PCDHA1: variants seen among roughly 807,000 people sequenced by gnomAD.
PCDHA1 encodes the protein protocadherin alpha 1.
A neutral mutation model predicts 61.3 loss-of-function variants in PCDHA1; 42 were observed. The observed-to-expected ratio is 0.69, with a 90% CI of 0.54 to 0.89. PCDHA1 has a LOEUF of 0.89. Among genes scored for constraint, PCDHA1 ranks in the 40% least tolerant of loss-of-function variants. PCDHA1 has a pLI of 0.00. For synonymous variants in PCDHA1, 610 were observed against 553.8 expected, an observed-to-expected ratio of 1.10 and a Z score of -1.43; for missense variants, 1,256 against 1,235.3, an observed-to-expected ratio of 1.02 and a Z score of -0.25.
chr5:140,985,273 T>C (rs1554246915), intron 3 of PCDHA1, among the ~76,000 whole-genome samples: 1 of 152,178 alleles, frequency 6.6e-6, no homozygotes, highest in African/African-American at 2.4e-5. Context: ...GGACTACTTT[T>C]CTGCAATCTA....
In PCDHA1 at chr5:140,786,349, T is replaced by C. The variant is rs1581593346; in HGVS notation, c.59T>C (p.Leu20Pro). 1 of 1,613,860 alleles carries C rather than the reference T, an allele frequency of 6.2e-7. No individual in the cohort carries two copies. Among genetic ancestry groups the C allele is most frequent in the South Asian group, 1.1e-5 (1 of 91,060 alleles). The change falls in exon 1 of 4, where the codon CTC becomes CCC. Residue 20 changes from leucine (L) to proline (P), a missense_variant. Coordinates refer to ENST00000504120, the MANE Select transcript of PCDHA1 (RefSeq NM_018900.4). Reference sequence around the variant, plus strand: ...CGGGATCTGCTTCTTTGGCTTCTGCTCCTCGCAGCCTGGGAGGTGGGGAGC... The same window carrying C: ...CGGGATCTGCTTCTTTGGCTTCTGCCCCTCGCAGCCTGGGAGGTGGGGAGC... ...GARDLLLWLL[L>P]LAAWEVGSGQ... is the part of the protein sequence containing the mutation.
chr5:140,808,746 T>G (rs1581696399), intron 1 of PCDHA1: 1 of 1,612,092 alleles, frequency 6.2e-7, no homozygotes, highest in Admixed American at 1.7e-5. Flanking sequence ...GTGTACGCGC[T>G]GCAGCCGCTG....
chr5:140,946,142 CAAAT>C (rs1214309556), intron 1 of PCDHA1, among the ~76,000 whole-genome samples: 1 of 151,910 alleles, frequency 6.6e-6, no homozygotes, highest in Non-Finnish European at 1.5e-5. Context: ...AGTAAGAAAA[CAAAT>C]AACACGATTT....
chr5:140,989,728 A>T (rs1453115061), intron 3 of PCDHA1, among the ~76,000 whole-genome samples: 6 of 152,184 alleles, frequency 3.9e-5, no homozygotes, highest in Admixed American at 3.9e-4. Flanking sequence ...TTGCAGTTGA[A>T]AAGGCCATTG....
At chr5:140,923,878 G>A (rs1475731417) in intron 1 of PCDHA1, among the ~76,000 whole-genome samples, 3 of 152,192 alleles carry the variant, frequency 2.0e-5, no homozygotes, top group Non-Finnish European at 4.4e-5. Context: ...TCTGAGAAGC[G>A]TGTGAAAGAG....
At chr5:140,883,521 T>G in intron 1 of PCDHA1, 1 of 1,614,202 alleles carries the variant, frequency 6.2e-7, no homozygotes, top group Non-Finnish European at 8.5e-7. Flanking sequence ...CGCGAGAGCG[T>G]ATCAGCCTAT....
At chr5:140,973,208 C>T (rs2096576751) in intron 1 of PCDHA1, among the ~76,000 whole-genome samples, 1 of 152,170 alleles carries the variant, frequency 6.6e-6, no homozygotes, top group African/African-American at 2.4e-5. Flanking sequence ...TGCATATTCA[C>T]CCTAATTCCA....
chr5:140,875,335 C>T (rs1380813312), intron 1 of PCDHA1: 3 of 1,438,650 alleles, frequency 2.1e-6, no homozygotes, highest in African/African-American at 2.9e-5. Context: ...GGAATAGGAT[C>T]GACTCCATAA....
intron 3 of PCDHA1, among the ~76,000 whole-genome samples, chr5:140,996,311 G>T (rs191577867): frequency 2.6e-5 from 4 of 152,184 alleles, no homozygotes; most frequent in African/African-American, 7.2e-5. Context: ...ACAAAGTAAG[G>T]GGGGAGGGTA....
At chr5:140,947,209 A>C (rs1462777257) in intron 1 of PCDHA1, among the ~76,000 whole-genome samples, 2 of 151,580 alleles carry the variant, frequency 1.3e-5, no homozygotes, top group Non-Finnish European at 3.0e-5. Flanking sequence ...AAAAAAAGAA[A>C]ATCCTGTCAT....
intron 1 of PCDHA1, chr5:140,877,898 A>G: frequency 6.9e-7 from 1 of 1,445,150 alleles, no homozygotes. Context: ...CGTTTAGGTT[A>G]TAACTACATT....
chr5:140,894,374 A>G (rs1449305462), intron 1 of PCDHA1, among the ~76,000 whole-genome samples: 1 of 151,940 alleles, frequency 6.6e-6, no homozygotes, highest in African/African-American at 2.4e-5. Flanking sequence ...AATGGCTCCA[A>G]TTATATTTGT....
At chr5:140,789,868 G>A (rs1310059592) in intron 1 of PCDHA1, among the ~76,000 whole-genome samples, 1 of 152,166 alleles carries the variant, frequency 6.6e-6, no homozygotes, top group Non-Finnish European at 1.5e-5. Context: ...CCAAAAACTT[G>A]CTTGCTGTTA....
At chr5:140,992,587 A>C (rs1393295001) in intron 3 of PCDHA1, among the ~76,000 whole-genome samples, 2 of 152,186 alleles carry the variant, frequency 1.3e-5, no homozygotes, top group African/African-American at 2.4e-5. Context: ...CCTTGTATGC[A>C]TCTAGCGTCT....
chr5:140,807,654 G>A lies in PCDHA1; in HGVS notation c.2394+18970G>A, dbSNP rs1243114134. On this transcript the variant is annotated intron_variant, in intron 1 of 3. Transcript: ENST00000504120. The stretch of plus-strand genomic sequence containing the variant: ...CTTGACTCTCGGTTTCCACTAGAGG[G>A]CGCCTCGGATGCAGATATCGGGGAG... The A allele has an allele frequency of 5.0e-6, 8 of 1,614,088 alleles. No individual in the cohort carries two copies. Among genetic ancestry groups the A allele is most frequent in the African/African-American group, 4.0e-5 (3 of 74,916 alleles).
intron 1 of PCDHA1, chr5:140,834,143 T>C: frequency 1.9e-6 from 1 of 514,248 alleles, no homozygotes. Flanking sequence ...GATTAATAGT[T>C]TGTAATGGTT....
intron 1 of PCDHA1, among the ~76,000 whole-genome samples, chr5:140,896,855 A>G (rs2065775013): frequency 6.6e-6 from 1 of 152,196 alleles, no homozygotes; most frequent in South Asian, 2.1e-4. Flanking sequence ...TTATGGGTAC[A>G]TAATAAGTGT....
chr5:140,997,380 C>T (rs1554255860), intron 3 of PCDHA1, among the ~76,000 whole-genome samples: 1 of 152,112 alleles, frequency 6.6e-6, no homozygotes. Flanking sequence ...ATATAGCATA[C>T]TACACACTTA....
intron 1 of PCDHA1, chr5:140,929,631 A>G (rs1584645197): frequency 2.6e-6 from 1 of 386,808 alleles, no homozygotes; most frequent in Non-Finnish European, 4.7e-6. Flanking sequence ...TTTATAAGCA[A>G]CAGATGTGTA....
Sources: allele counts gnomAD v4.1 joint callset (sites outside exome capture counted in the v4.1 genomes callset), GRCh38; gene constraint gnomAD v4.1.1; transcripts MANE v1.5; gene names NCBI Gene and HGNC (gene_info 2026-07-23, HGNC 2026-07-21).